The following MAGI1 variants were observed in gnomAD, a reference collection of about 807,000 sequenced individuals.
The protein encoded by MAGI1 is membrane-associated guanylate kinase, WW and PDZ domain-containing protein 1.
In MAGI1, 58 loss-of-function variants were observed where a neutral mutation model predicts 139.9. The ratio of observed to expected loss-of-function variants is 0.41; its 90% confidence interval spans 0.34 to 0.52. The LOEUF is 0.52. MAGI1 is among the 20% of genes least tolerant of loss of function. MAGI1 has a pLI of 0.12. For missense variants in MAGI1, 1,874 were observed against 1,901.6 expected, an observed-to-expected ratio of 0.99 and a Z score of 0.27; for synonymous variants, 812 against 737.9, an observed-to-expected ratio of 1.10 and a Z score of -1.63.
intron 1 of MAGI1, among the ~76,000 whole-genome samples, chr3:65,842,394 CTT>C (rs2058838465): frequency 6.8e-6 from 1 of 145,996 alleles, no homozygotes; most frequent in Non-Finnish European, 1.5e-5. Context: ...GAGTTTCGCT[CTT>C]GTTGCCCAGG....
At chr3:66,010,077 C>CAAAAAAA (rs60882502) in intron 1 of MAGI1, among the ~76,000 whole-genome samples, 5 of 69,780 alleles carry the variant, frequency 7.2e-5, no homozygotes, top group South Asian at 1.4e-3. Context: ...CTCTCTGTCT[C>CAAAAAAA]AAAAAAAAAA....
At chr3:65,717,813 G>A (rs1292493900) in intron 1 of MAGI1, among the ~76,000 whole-genome samples, 1 of 152,160 alleles carries the variant, frequency 6.6e-6, no homozygotes, top group East Asian at 1.9e-4. Context: ...TGGCCATGAG[G>A]ATGGAGCACT....
intron 1 of MAGI1, among the ~76,000 whole-genome samples, chr3:65,632,727 T>A (rs913796525): frequency 4.6e-5 from 7 of 152,188 alleles, no homozygotes; most frequent in African/African-American, 1.7e-4. Flanking sequence ...AAGATGTACA[T>A]GAAGTTGTTT....
At chr3:65,466,643 C>G (rs1197627081) in intron 5 of MAGI1, among the ~76,000 whole-genome samples, 1 of 152,164 alleles carries the variant, frequency 6.6e-6, no homozygotes, top group Non-Finnish European at 1.5e-5. Flanking sequence ...TCCTGATTCT[C>G]CTCTAAACCT....
intron 1 of MAGI1, among the ~76,000 whole-genome samples, chr3:65,767,348 T>G (rs1283120475): frequency 6.6e-6 from 1 of 152,114 alleles, no homozygotes; most frequent in African/African-American, 2.4e-5. Flanking sequence ...CTCATGCCTG[T>G]AATCCCAGCA....
chr3:65,621,917 T>TCACACACACACACACACACACACA lies in MAGI1; in HGVS notation c.430+31_430+54dup, dbSNP rs56026417. On this transcript the variant is annotated intron_variant, in intron 2 of 22. Transcript: ENST00000402939. Reference sequence around the variant, plus strand: ...AGATCTCCTTTCTCCCCTGGACTTTTCACACACACACACACACACACACAG... The same window carrying TCACACACACACACACACACACACA: ...AGATCTCCTTTCTCCCCTGGACTTTTCACACACACACACACACACACACACACACACACACACACACACACACAG... The TCACACACACACACACACACACACA allele has an allele frequency of 1.2e-4, 119 of 986,782 alleles. No homozygotes were observed. The African/African-American group carries it at 1.9e-3, about 16-fold the overall frequency. The allele number at this position is 986,782 out of a possible 1,614,324, so 61.1% of individuals were successfully genotyped here. A position where few individuals can be genotyped will look rare whatever the true frequency, so the allele number is the denominator to read the frequency against.
intron 3 of MAGI1, among the ~76,000 whole-genome samples, chr3:65,481,933 A>G (rs1166163211): frequency 6.6e-6 from 1 of 152,232 alleles, no homozygotes; most frequent in East Asian, 1.9e-4. Context: ...CTTGTTCACA[A>G]TGGTTTCCTG....
intron 1 of MAGI1, among the ~76,000 whole-genome samples, chr3:65,847,462 GGAAGAAAT>G (rs769227790): frequency 8.5e-4 from 129 of 152,084 alleles, no homozygotes; most frequent in Non-Finnish European, 1.5e-3. Flanking sequence ...AGTGATCCAC[GGAAGAAAT>G]CTTTAATTTC....
intron 5 of MAGI1, chr3:65,469,697 A>G (rs920448124): frequency 6.6e-6 from 1 of 151,900 alleles, no homozygotes; most frequent in African/African-American, 2.4e-5. Flanking sequence ...CAAAAGCACA[A>G]TTGACTAAAA....
chr3:65,551,985 T>G (rs2107971400), intron 2 of MAGI1, among the ~76,000 whole-genome samples: 1 of 152,292 alleles, frequency 6.6e-6, no homozygotes, highest in South Asian at 2.1e-4. Context: ...AAAAGGAATG[T>G]GTAAGTTGCT....
At chr3:65,709,594 C>T (rs1001257059) in intron 1 of MAGI1, among the ~76,000 whole-genome samples, 15 of 152,294 alleles carry the variant, frequency 9.8e-5, no homozygotes, top group East Asian at 1.9e-4. Flanking sequence ...AGTAGTCTTA[C>T]GGCTTTTCTT....
chr3:65,381,412 T>C (rs1943040562), intron 16 of MAGI1, among the ~76,000 whole-genome samples: 1 of 151,762 alleles, frequency 6.6e-6, no homozygotes, highest in Non-Finnish European at 1.5e-5. Flanking sequence ...TACAACTTTC[T>C]TGTAGAAAGA....
At chr3:66,014,389 G>A (rs2067510395) in intron 1 of MAGI1, among the ~76,000 whole-genome samples, 1 of 152,162 alleles carries the variant, frequency 6.6e-6, no homozygotes, top group Non-Finnish European at 1.5e-5. Flanking sequence ...TATAGATGCT[G>A]TCTCTTACTT....
chr3:65,940,436 C>T lies in MAGI1; in HGVS notation c.313+97560G>A, dbSNP rs561983326. On this transcript the variant is annotated intron_variant, in intron 1 of 22. Transcript: ENST00000402939. ...GGACCCTCTTCTGGGATATGGACTG[C>T]CATCTTCTCACTGTATCTTCACGTG... Among the ~76,000 whole-genome samples, 6 of 152,214 alleles carry T rather than the reference C, an allele frequency of 3.9e-5. No individual in the cohort carries two copies. The South Asian group carries it at 1.2e-3, about 32-fold the overall frequency.
chr3:65,952,589 T>C (rs1255693974), intron 1 of MAGI1, among the ~76,000 whole-genome samples: 2 of 151,966 alleles, frequency 1.3e-5, no homozygotes, highest in Non-Finnish European at 2.9e-5. Context: ...CCGAGGCGGG[T>C]GGATCACGAG....
At chr3:65,923,724 A>C (rs2062350862) in intron 1 of MAGI1, among the ~76,000 whole-genome samples, 1 of 152,144 alleles carries the variant, frequency 6.6e-6, no homozygotes, top group Non-Finnish European at 1.5e-5. Context: ...GGGAGATAAG[A>C]GATAAGGTTG....
chr3:65,610,500 A>C (rs2082992466), intron 2 of MAGI1, among the ~76,000 whole-genome samples: 1 of 151,946 alleles, frequency 6.6e-6, no homozygotes, highest in African/African-American at 2.4e-5. Context: ...ATTTTTTTTC[A>C]AAATTCCACT....
chr3:65,696,469 T>C (rs1158405594), intron 1 of MAGI1, among the ~76,000 whole-genome samples: 4 of 152,268 alleles, frequency 2.6e-5, no homozygotes, highest in East Asian at 1.9e-4. Context: ...AGAACAGTAG[T>C]TGATACATAA....
intron 1 of MAGI1, among the ~76,000 whole-genome samples, chr3:65,630,324 G>A (rs1576536078): frequency 6.6e-6 from 1 of 152,250 alleles, no homozygotes; most frequent in African/African-American, 2.4e-5. Context: ...AAAGGAGGAT[G>A]AGAGGCTAGC....
Sources: allele counts gnomAD v4.1 joint callset (sites outside exome capture counted in the v4.1 genomes callset), GRCh38; gene constraint gnomAD v4.1.1; transcripts MANE v1.5; gene names NCBI Gene and HGNC (gene_info 2026-07-23, HGNC 2026-07-21).